Variants in AGBL1 observed in about 807,000 individuals in gnomAD.
AGBL1 encodes the protein cytosolic carboxypeptidase 4.
Under a neutral mutation model 118.9 loss-of-function variants are expected in AGBL1, and 130 were observed. That is an observed-to-expected ratio of 1.09 (90% CI 0.95 to 1.26). The LOEUF is 1.26. Among genes scored for constraint, AGBL1 ranks in the 50% most tolerant of loss-of-function variants. AGBL1 has a pLI of 0.00. For synonymous variants in AGBL1, 555 were observed against 478.9 expected (o/e 1.16, Z -2.08); for missense variants, 1,584 against 1,298.1 (o/e 1.22, Z -3.38).
rs558127795 is a variant in AGBL1 at position 86,302,326 on chromosome 15, C to T, written c.2374+6918C>T. ...GAATTAAGAAAGACAGTAATTATTA[C>T]ACCTATTTTATGGATGATAAAAATT... On this transcript the variant is annotated intron_variant, in intron 17 of 22. Coordinates refer to ENST00000614907, the MANE Select transcript of AGBL1 (RefSeq NM_001386094.1). Among the ~76,000 whole-genome samples, 123 of 152,226 alleles carry T rather than the reference C, an allele frequency of 8.1e-4. 3 individuals are homozygous for T. The South Asian group carries it at 0.024, about 29-fold the overall frequency.
intron 22 of AGBL1, among the ~76,000 whole-genome samples, chr15:86,876,160 C>G (rs1334317306): frequency 1.3e-5 from 2 of 152,128 alleles, no homozygotes; most frequent in Non-Finnish European, 2.9e-5. Flanking sequence ...TACATAGCTG[C>G]CATCCTGTAT....
At position 86,274,016 on chromosome 15, in the gene AGBL1, G is replaced by A. The variant is rs575051402; in HGVS notation, c.2075+2310G>A. ...TTGACAATGTGCCACTAATCAATAA[G>A]ATATATTTGTATGTGTTCTTACCAG... On this transcript the variant is annotated intron_variant, in intron 15 of 22. Coordinates refer to ENST00000614907, the MANE Select transcript of AGBL1 (RefSeq NM_001386094.1). 2.6e-3 allele frequency among the ~76,000 whole-genome samples: 395 copies of A among 152,128 alleles called. 2 individuals are homozygous for A. The highest frequency in any genetic ancestry group is 9.1e-3 in the African/African-American group (379 of 41,486).
chr15:86,867,806 G>A (rs1490984194), intron 22 of AGBL1, among the ~76,000 whole-genome samples: 1 of 152,192 alleles, frequency 6.6e-6, no homozygotes, highest in Non-Finnish European at 1.5e-5. Context: ...TGAGGAAATG[G>A]ATAGGATTGA....
At chr15:86,870,294 G>A (rs2079701633) in intron 22 of AGBL1, among the ~76,000 whole-genome samples, 1 of 151,456 alleles carries the variant, frequency 6.6e-6, no homozygotes, top group Non-Finnish European at 1.5e-5. Flanking sequence ...GAAATCTGAG[G>A]CTTTGAGAAT....
At chr15:86,787,233 C>A (rs955223278) in intron 22 of AGBL1, among the ~76,000 whole-genome samples, 1 of 152,044 alleles carries the variant, frequency 6.6e-6, no homozygotes, top group Non-Finnish European at 1.5e-5. Context: ...CATAGTTACC[C>A]ATTTTTATGT....
chr15:86,683,796 C>T (rs2086005285), intron 22 of AGBL1, among the ~76,000 whole-genome samples: 1 of 152,172 alleles, frequency 6.6e-6, no homozygotes, highest in African/African-American at 2.4e-5. Context: ...GCAAATAAAA[C>T]TTTTGAAGTT....
intron 5 of AGBL1, among the ~76,000 whole-genome samples, chr15:86,187,878 C>T (rs1166752651): frequency 6.6e-6 from 1 of 152,280 alleles, no homozygotes; most frequent in Middle Eastern, 3.4e-3. Context: ...CTTCCTTTTA[C>T]GTTGCTTTAT....
At chr15:86,079,837 C>A, upstream of AGBL1, 1 of 514,300 alleles carries the variant, frequency 1.9e-6, no homozygotes. Flanking sequence ...GCTGACTTCA[C>A]ACTCAGCAGC....
intron 17 of AGBL1, among the ~76,000 whole-genome samples, chr15:86,342,787 G>A (rs2080481191): frequency 6.6e-6 from 1 of 152,130 alleles, no homozygotes. Flanking sequence ...GATGTAAGTA[G>A]GTACTAGATT....
intron 21 of AGBL1, among the ~76,000 whole-genome samples, chr15:86,646,804 A>G (rs566648555): frequency 6.6e-6 from 1 of 152,324 alleles, no homozygotes; most frequent in African/African-American, 2.4e-5. Context: ...TTCTGCCTTC[A>G]CATGTGTTTG....
chr15:86,686,611 G>A (rs1452818246), intron 22 of AGBL1, among the ~76,000 whole-genome samples: 1 of 151,682 alleles, frequency 6.6e-6, no homozygotes, highest in East Asian at 1.9e-4. Context: ...CTAATTTTTT[G>A]TATCTTTAGT....
intron 18 of AGBL1, among the ~76,000 whole-genome samples, chr15:86,444,931 T>A (rs117950809): frequency 0.044 from 6,670 of 152,302 alleles, 192 homozygotes; most frequent in South Asian, 0.098. Context: ...AAGACAATTT[T>A]AACAAAAAAA....
downstream of AGBL1, among the ~76,000 whole-genome samples, chr15:86,916,373 G>A (rs1409677587): frequency 6.6e-6 from 1 of 152,094 alleles, no homozygotes; most frequent in Non-Finnish European, 1.5e-5. Context: ...AGAATAACCT[G>A]TGAGAACGAT....
chr15:86,462,502 G>C (rs1344751634), intron 18 of AGBL1, among the ~76,000 whole-genome samples: 1 of 151,678 alleles, frequency 6.6e-6, no homozygotes, highest in Non-Finnish European at 1.5e-5. Flanking sequence ...TTGTTACATA[G>C]GTATACACAT....
At chr15:87,020,785 T>A (rs2081656597) in intron 24 of AGBL1, among the ~76,000 whole-genome samples, 4 of 152,218 alleles carry the variant, frequency 2.6e-5, no homozygotes, top group African/African-American at 9.6e-5. Flanking sequence ...GGAATACAGC[T>A]AACAAGGGAT....
intron 22 of AGBL1, among the ~76,000 whole-genome samples, chr15:86,739,287 T>C (rs2077643347): frequency 6.7e-6 from 1 of 150,172 alleles, no homozygotes; most frequent in Non-Finnish European, 1.5e-5. Flanking sequence ...CTATTAAAAA[T>C]ACAAAATTAG....
At chr15:86,106,383 A>C (rs958285842) in intron 1 of AGBL1, among the ~76,000 whole-genome samples, 3 of 152,218 alleles carry the variant, frequency 2.0e-5, no homozygotes, top group Admixed American at 1.3e-4. Context: ...GATATAATGC[A>C]GAAGATTTTT....
At chr15:86,193,601 A>G (rs1372596029) in intron 5 of AGBL1, among the ~76,000 whole-genome samples, 1 of 152,158 alleles carries the variant, frequency 6.6e-6, no homozygotes, top group Non-Finnish European at 1.5e-5. Flanking sequence ...GGGGGACTGC[A>G]TCTGTGAGTC....
chr15:86,381,786 G>C (rs571730256), intron 17 of AGBL1, among the ~76,000 whole-genome samples: 1 of 152,282 alleles, frequency 6.6e-6, no homozygotes, highest in South Asian at 2.1e-4. Flanking sequence ...ATCAGGAGCA[G>C]AACAGAGCAT....
Sources: gnomAD v4.1 joint callset for allele counts (sites outside exome capture counted in the v4.1 genomes callset) on GRCh38, gnomAD v4.1.1 for gene constraint, MANE v1.5 for transcripts, NCBI Gene and HGNC (gene_info 2026-07-23, HGNC 2026-07-21) for gene names.